Variants in SEC14L1 observed in about 807,000 individuals in gnomAD.
The protein encoded by SEC14L1 is SEC14 like lipid binding 1.
In SEC14L1, 48 loss-of-function variants were observed where a neutral mutation model predicts 85.3. That is an observed-to-expected ratio of 0.56 (90% CI 0.45 to 0.72). SEC14L1 has a LOEUF of 0.72. Ranked by LOEUF, SEC14L1 falls within the 30% of genes least tolerant of loss-of-function variation. The pLI, the probability that SEC14L1 is intolerant of heterozygous loss-of-function variation, is 0.00. For synonymous variants in SEC14L1, 391 were observed against 355.5 expected (o/e 1.10, Z -1.12); for missense variants, 682 against 921.4 (o/e 0.74, Z 3.36).
In SEC14L1 at chr17:77,089,179, C is replaced by G. The variant is rs544768271; in HGVS notation, c.-332C>G. On this transcript the variant is annotated 5_prime_UTR_variant, in exon 2 of 20. Coordinates refer to the SEC14L1 transcript ENST00000392476. ...TTTCAACAGAAAATGAGAAATATCC[C>G]CCGACGATTGGCTGAAAACATGCAG... is the stretch of plus-strand genomic sequence containing the variant. The G allele has an allele frequency of 1.9e-3, 620 of 332,632 alleles. 9 individuals carry two copies. The highest frequency in any genetic ancestry group is 0.013 in the African/African-American group (570 of 45,210). The allele number at this position is 332,632 out of a possible 1,614,324, so 20.6% of individuals were successfully genotyped here. A position where few individuals can be genotyped will look rare whatever the true frequency, so the allele number is the denominator to read the frequency against.
upstream of SEC14L1, among the ~76,000 whole-genome samples, chr17:77,136,039 AT>A (rs146990547): frequency 0.14 from 20,668 of 147,120 alleles, 1,654 homozygotes; most frequent in Admixed American, 0.2. Context: ...CGCCCGGCTA[AT>A]TTTTTTTTTT....
intron 3 of SEC14L1, among the ~76,000 whole-genome samples, chr17:77,154,707 A>G (rs763184962): frequency 1.3e-5 from 2 of 150,552 alleles, no homozygotes; most frequent in Non-Finnish European, 3.0e-5. Context: ...AATAATTGCT[A>G]TGTGTATCTT....
intron 3 of SEC14L1, among the ~76,000 whole-genome samples, chr17:77,148,944 C>CA (rs1206160164): frequency 6.6e-6 from 1 of 152,236 alleles, no homozygotes; most frequent in Non-Finnish European, 1.5e-5. Flanking sequence ...TGAACTTGAA[C>CA]ATTTGTTTCT....
At chr17:77,184,081 C>T (rs1047449332) in intron 3 of SEC14L1, among the ~76,000 whole-genome samples, 6 of 152,118 alleles carry the variant, frequency 3.9e-5, no homozygotes, top group Non-Finnish European at 5.9e-5. Flanking sequence ...CCACCATGCC[C>T]GGCCTTATTT....
At chr17:77,194,583 C>T in intron 6 of SEC14L1, 94 bp from the exon 7 acceptor site, 2 of 884,942 alleles carry the variant, frequency 2.3e-6, no homozygotes, top group South Asian at 3.4e-5. Flanking sequence ...GGCTCACCAT[C>T]TTCCGTTGGC....
In SEC14L1 at chr17:77,193,555, TG is replaced by T; in HGVS notation, c.474+7del. On this transcript the variant is annotated splice_region_variant and intron_variant, in intron 6 of 16. Transcript: ENST00000436233. ...ATACCAGCAACATTAAAAAAGTGAG[TG>T]TATCTTGGGATTTTGTGGCAGAGGG... The T allele has an allele frequency of 6.2e-7, 1 of 1,603,590 alleles. No homozygotes were observed. Among genetic ancestry groups the T allele is most frequent in the Non-Finnish European group, 8.5e-7 (1 of 1,172,328 alleles).
In SEC14L1 at chr17:77,213,114, G is replaced by A. The variant is rs377461069; in HGVS notation, c.1864-200G>A. On this transcript the variant is annotated intron_variant, in intron 15 of 16. Coordinates refer to ENST00000436233, the MANE Select transcript of SEC14L1 (RefSeq NM_001143998.2). This position sits in a 1 kb window ranked among gnomAD's most constrained non-coding sequence, Gnocchi z 7.1. ...TGTCCCTCCGGGCTTCCCAGCACCC[G>A]GGAGTGACCACACTCAGTAGAGGGA... Among the ~76,000 whole-genome samples, 19 of 152,362 alleles carry A rather than the reference G, an allele frequency of 1.2e-4. No individual in the cohort carries two copies. In the East Asian group the frequency reaches 2.5e-3, roughly 20 times the overall value.
In SEC14L1 at chr17:77,155,725, C is replaced by CTTTA. The variant is rs1310385964; in HGVS notation, c.63+12083_63+12086dup. ...AAATGATGAAGTGCCTGCACCTCAT[C>CTTTA]TTTATTTATTTATTTATTTAATTTT... On this transcript the variant is annotated intron_variant, in intron 3 of 16. Transcript: ENST00000436233. 2.0e-5 allele frequency among the ~76,000 whole-genome samples: 3 copies of CTTTA among 152,154 alleles called. 1 individual carries two copies. The highest frequency in any genetic ancestry group is 1.5e-5 in the Non-Finnish European group (1 of 68,022).
intron 3 of SEC14L1, among the ~76,000 whole-genome samples, chr17:77,117,517 C>T (rs1312809594): frequency 1.3e-5 from 2 of 152,184 alleles, no homozygotes; most frequent in Non-Finnish European, 2.9e-5. Context: ...ACAGCCTAAT[C>T]AATTGCCCTG....
intron 1 of SEC14L1, among the ~76,000 whole-genome samples, chr17:77,141,912 G>A (rs1408169383): frequency 3.9e-5 from 6 of 152,138 alleles, no homozygotes; most frequent in Non-Finnish European, 7.3e-5. Flanking sequence ...TTCCCACTGT[G>A]CACCAACACT....
At chr17:77,189,128 GAATCAGGCA>G in intron 3 of SEC14L1, among the ~76,000 whole-genome samples, 1 of 152,056 alleles carries the variant, frequency 6.6e-6, no homozygotes, top group Admixed American at 6.5e-5. Context: ...TTTGATTCCA[GAATCAGGCA>G]ACACCTCATT....
At chr17:77,167,111 A>G (rs1393481120) in intron 3 of SEC14L1, among the ~76,000 whole-genome samples, 1 of 150,922 alleles carries the variant, frequency 6.6e-6, no homozygotes, top group Middle Eastern at 3.5e-3. Context: ...TTCTTAAAAG[A>G]AGCTTGTTTG....
At chr17:77,191,406 T>C in intron 5 of SEC14L1, 94 bp downstream of exon 5, 3 of 1,393,160 alleles carry the variant, frequency 2.2e-6, no homozygotes, top group Non-Finnish European at 3.0e-6. Flanking sequence ...TCTTTTTGTC[T>C]TAGAGGGCAG....
chr17:77,185,578 TAGTA>T (rs1037628418), intron 3 of SEC14L1, among the ~76,000 whole-genome samples: 3 of 152,232 alleles, frequency 2.0e-5, no homozygotes, highest in African/African-American at 7.2e-5. Context: ...GGCTACCTCT[TAGTA>T]AGTGCTTACT....
At position 77,213,394 on chromosome 17, in the gene SEC14L1, C is replaced by T. The variant is rs1231755526; in HGVS notation, c.1944C>T (p.Ser648=). The part of the protein sequence containing the change: ...FHSMPACAAS[S]LPRVDDVLAS... ...GCATGCCTGCGTGCGCCGCCAGCAG[C>T]CTTCCCCGGGTGGACGACGTGCTTG... is the stretch of plus-strand genomic sequence containing the variant. Residue 648 remains serine (S), a synonymous_variant, in exon 16 of 17, where the codon AGC becomes AGT. Coordinates refer to ENST00000436233, the MANE Select transcript of SEC14L1 (RefSeq NM_001143998.2). The surrounding 1 kb of genome is among the most constrained non-coding windows in gnomAD (Gnocchi z 7.1). 1 of 1,613,554 alleles carries T rather than the reference C, an allele frequency of 6.2e-7. No homozygotes were observed.
upstream of SEC14L1, among the ~76,000 whole-genome samples, chr17:77,139,994 C>T (rs1025924231): frequency 2.0e-5 from 3 of 152,192 alleles, no homozygotes; most frequent in Non-Finnish European, 4.4e-5. Flanking sequence ...TGTCCAATGG[C>T]AGCATGAAAT....
chr17:77,143,704 A>G (rs1041900520), intron 3 of SEC14L1, 45 bp downstream of exon 3: 12 of 1,355,308 alleles, frequency 8.9e-6, no homozygotes, highest in Admixed American at 1.7e-5. Flanking sequence ...TCTTATTTAT[A>G]AAGTACAGTG....
chr17:77,193,329 G>T, intron 5 of SEC14L1, 92 bp from the exon 6 acceptor site: 1 of 1,287,714 alleles, frequency 7.8e-7, no homozygotes. Flanking sequence ...TAACGTAAGT[G>T]TTTTTTTCTG....
At chr17:77,124,902 G>A (rs906895412) in intron 3 of SEC14L1, among the ~76,000 whole-genome samples, 22 of 151,976 alleles carry the variant, frequency 1.4e-4, no homozygotes, top group African/African-American at 4.8e-4. Flanking sequence ...CAGAGAATAA[G>A]CTTTATCTTA....
Sources: gnomAD v4.1 joint callset for allele counts (sites outside exome capture counted in the v4.1 genomes callset) on GRCh38, gnomAD v4.1.1 for gene constraint, Gnocchi (gnomAD v3.1) non-coding constraint, MANE v1.5 for transcripts, NCBI Gene and HGNC (gene_info 2026-07-23, HGNC 2026-07-21) for gene names.